Variants in SLC39A14 observed in about 807,000 individuals in gnomAD.
The protein encoded by SLC39A14 is metal cation symporter ZIP14.
SLC39A14 carries 19 observed loss-of-function variants against 45.5 expected under a neutral mutation model. The ratio of observed to expected loss-of-function variants is 0.42; its 90% CI spans 0.29 to 0.61. SLC39A14 has a LOEUF of 0.61. Ranked by LOEUF, SLC39A14 falls within the 20% of genes least tolerant of loss-of-function variation. The pLI is 0.22. For synonymous variants in SLC39A14, 264 were observed against 251.3 expected (o/e 1.05, Z -0.48); for missense variants, 447 against 616.5 (o/e 0.73, Z 2.91).
At chr8:22,374,182 G>A (rs73670410) in intron 1 of SLC39A14, among the ~76,000 whole-genome samples, 10,427 of 152,298 alleles carry the variant, frequency 0.068, 431 homozygotes, top group South Asian at 0.17. Flanking sequence ...GTGACAGCAG[G>A]TGGTGGGGTT....
intron 1 of SLC39A14, among the ~76,000 whole-genome samples, chr8:22,372,156 G>A (rs1317340015): frequency 6.6e-6 from 1 of 151,982 alleles, no homozygotes; most frequent in African/African-American, 2.4e-5. Context: ...CTTAGAAATT[G>A]TTTGTATATA....
At chr8:22,410,575 C>G (rs948765000) in intron 3 of SLC39A14, among the ~76,000 whole-genome samples, 1 of 152,076 alleles carries the variant, frequency 6.6e-6, no homozygotes, top group African/African-American at 2.4e-5. Flanking sequence ...GCCTAAAAAG[C>G]GAGTGTTCTT....
chr8:22,411,110 A>C (rs1350038944), intron 3 of SLC39A14, among the ~76,000 whole-genome samples: 1 of 152,104 alleles, frequency 6.6e-6, no homozygotes, highest in Non-Finnish European at 1.5e-5. Context: ...AACTTGGGCT[A>C]TTTTTTCAGC....
intron 3 of SLC39A14, among the ~76,000 whole-genome samples, chr8:22,411,093 A>G (rs1455675342): frequency 6.6e-6 from 1 of 152,198 alleles, no homozygotes; most frequent in Non-Finnish European, 1.5e-5. Flanking sequence ...TTTGCAGGGG[A>G]GGCCTCAACT....
At position 22,420,292 on chromosome 8, in the gene SLC39A14, G is replaced by T. The variant is rs1021427120; in HGVS notation, c.*594G>T. 1 of 985,386 alleles carries T rather than the reference G, an allele frequency of 1.0e-6. No individual in the cohort carries two copies. Among genetic ancestry groups the T allele is most frequent in the African/African-American group, 1.7e-5 (1 of 57,246 alleles). The allele number at this position is 985,386 out of a possible 1,614,324, so 61.0% of individuals were successfully genotyped here. On this transcript the variant is annotated 3_prime_UTR_variant, in exon 9 of 9. Transcript: ENST00000381237. ...GTGAGGCAAGGTTCATCCTGAATGG[G>T]AGAGGAAGTCGAACCACTGCTGTGT...
intron 1 of SLC39A14, among the ~76,000 whole-genome samples, chr8:22,379,927 CAAAAAAAAAA>C (rs35093772): frequency 0.11 from 9,387 of 88,030 alleles, 436 homozygotes; most frequent in African/African-American, 0.2. Context: ...GACTCCATCT[CAAAAAAAAAA>C]AAAAAAAAAA....
rs558200046 is a variant in SLC39A14 at position 22,384,871 on chromosome 8, G to A, written c.-16+17463G>A. Reference sequence around the variant, plus strand: ...TTCAGACCAGCGTCACCAACAAGGTGAAACCCCGTCTCTACTAAAAATACA... The same window carrying A: ...TTCAGACCAGCGTCACCAACAAGGTAAAACCCCGTCTCTACTAAAAATACA... On this transcript the variant is annotated intron_variant, in intron 1 of 8. Transcript: ENST00000381237. Among the ~76,000 whole-genome samples, 5 of 152,046 alleles carry A rather than the reference G, an allele frequency of 3.3e-5. No homozygotes were observed. The South Asian group carries it at 8.3e-4, about 25-fold the overall frequency.
At chr8:22,414,234 G>A (rs767036710) in intron 4 of SLC39A14, among the ~76,000 whole-genome samples, 2 of 152,124 alleles carry the variant, frequency 1.3e-5, no homozygotes, top group South Asian at 2.1e-4. Context: ...ATTGACGCTC[G>A]CAATAACACA....
intron 8 of SLC39A14, among the ~76,000 whole-genome samples, chr8:22,429,468 G>A (rs1183066659): frequency 6.6e-6 from 1 of 152,144 alleles, no homozygotes; most frequent in Non-Finnish European, 1.5e-5. Flanking sequence ...AAGTAAATAT[G>A]CAAAATGTTT....
intron 1 of SLC39A14, among the ~76,000 whole-genome samples, chr8:22,370,815 C>T (rs535937901): frequency 6.6e-6 from 1 of 152,254 alleles, no homozygotes; most frequent in South Asian, 2.1e-4. Flanking sequence ...GGGAAGGGAC[C>T]TGCTGCTCAG....
intron 1 of SLC39A14, among the ~76,000 whole-genome samples, chr8:22,383,496 A>G (rs1411650887): frequency 2.6e-5 from 4 of 152,104 alleles, no homozygotes; most frequent in Non-Finnish European, 5.9e-5. Context: ...TGTTATTTGA[A>G]AGAGCCCTGT....
At chr8:22,388,440 G>C (rs946767334) in intron 1 of SLC39A14, among the ~76,000 whole-genome samples, 3 of 152,096 alleles carry the variant, frequency 2.0e-5, no homozygotes, top group African/African-American at 7.2e-5. Context: ...AGCAGTGGCA[G>C]GTGAGGGTGA....
intron 4 of SLC39A14, among the ~76,000 whole-genome samples, chr8:22,413,781 T>G (rs367872128): frequency 6.6e-6 from 1 of 151,986 alleles, no homozygotes; most frequent in Non-Finnish European, 1.5e-5. Context: ...AGATACTTTT[T>G]TTTGTTTGTT....
chr8:22,404,039 C>T (rs1431003920), intron 1 of SLC39A14, among the ~76,000 whole-genome samples: 1 of 152,220 alleles, frequency 6.6e-6, no homozygotes, highest in African/African-American at 2.4e-5. Flanking sequence ...CACCCGTGTG[C>T]TCATACCCCC....
chr8:22,417,061 A>G (rs1046013420), intron 7 of SLC39A14, among the ~76,000 whole-genome samples: 1 of 152,144 alleles, frequency 6.6e-6, no homozygotes, highest in African/African-American at 2.4e-5. Flanking sequence ...TCAGAGGGAG[A>G]GTGTAAAAAG....
Position 22,388,746 on chromosome 8 carries a change from G to A in SLC39A14, c.-15-15950G>A, listed in dbSNP as rs556990287. Among the ~76,000 whole-genome samples, 9 of 152,320 alleles carry A rather than the reference G, an allele frequency of 5.9e-5. 3 individuals are homozygous for A. Among genetic ancestry groups the A allele is most frequent in the African/African-American group, 1.9e-4 (8 of 41,566 alleles). ...AAGGCCTTAACTTCAGTAATGGGAT[G>A]GTGGCTGCCAGTGACCTTGAGCCAG... On this transcript the variant is annotated intron_variant, in intron 1 of 8. Coordinates refer to ENST00000381237, the MANE Select transcript of SLC39A14 (RefSeq NM_001128431.4).
intron 1 of SLC39A14, among the ~76,000 whole-genome samples, chr8:22,402,999 CAG>C (rs1834971639): frequency 6.7e-6 from 1 of 149,268 alleles, no homozygotes; most frequent in Admixed American, 6.7e-5. Flanking sequence ...TTTATTGAGA[CAG>C]AGTCTCGCTC....
In SLC39A14 at chr8:22,408,451, G is replaced by A. The variant is rs752102367; in HGVS notation, c.412G>A (p.Glu138Lys). 30 of 1,614,176 alleles carry A rather than the reference G, an allele frequency of 1.9e-5. No individual in the cohort carries two copies. The highest frequency in any genetic ancestry group is 3.3e-4 in the Middle Eastern group (2 of 6,060). Residue 138 changes from glutamate to lysine, a missense_variant, in exon 3 of 9, where the codon GAG becomes AAG. Physicochemically the swap from Glu to Lys is moderately conservative, Grantham distance 56. This residue lies in a region of SLC39A14 where 342 missense variants were observed against 428.1 expected (regional missense o/e 0.80). Coordinates refer to ENST00000381237, the MANE Select transcript of SLC39A14 (RefSeq NM_001128431.4). ...CTGCACCTCGGAGAACCAGGAAAACGAGGAGAATGAGCAGACGGAGGAGGG... is the reference window on the plus strand; with the variant it reads ...CTGCACCTCGGAGAACCAGGAAAACAAGGAGAATGAGCAGACGGAGGAGGG... ...RACTSENQENEENEQTEEGRP... is the reference protein window; with the variant it reads ...RACTSENQENKENEQTEEGRP...
chr8:22,371,336 C>T (rs1040019373), intron 1 of SLC39A14, among the ~76,000 whole-genome samples: 7 of 150,166 alleles, frequency 4.7e-5, no homozygotes, highest in South Asian at 2.1e-4. Context: ...TAATGGCCCT[C>T]GTAGGCAGTG....
Sources: gnomAD v4.1 joint callset for allele counts (sites outside exome capture counted in the v4.1 genomes callset) on GRCh38, gnomAD v4.1.1 for gene constraint, gnomAD v4.1.1 regional missense constraint, MANE v1.5 for transcripts, NCBI Gene and HGNC (gene_info 2026-07-23, HGNC 2026-07-21) for gene names.